The following KIF21A variants were observed in gnomAD, a reference collection of about 807,000 sequenced individuals.
KIF21A encodes the protein kinesin-like protein KIF21A.
A neutral mutation model predicts 202.9 loss-of-function variants in KIF21A; 114 were observed. That is an observed-to-expected ratio of 0.56 (90% CI 0.48 to 0.66). The LOEUF (loss-of-function observed/expected upper bound fraction) is 0.66, where lower values mean the gene tolerates loss of function less well. Among genes scored for constraint, KIF21A ranks in the 30% least tolerant of loss-of-function variants. The pLI, the probability that KIF21A is intolerant of heterozygous loss-of-function variation, is 0.00. For missense variants in KIF21A, 1,677 were observed against 1,994.9 expected, an observed-to-expected ratio of 0.84 and a Z score of 3.04; for synonymous variants, 667 against 670.8, an observed-to-expected ratio of 0.99 and a Z score of 0.09.
At chr12:39,362,018 T>C (rs2138991766) in intron 7 of KIF21A, among the ~76,000 whole-genome samples, 1 of 152,284 alleles carries the variant, frequency 6.6e-6, no homozygotes, top group Non-Finnish European at 1.5e-5. Context: ...ACTGTTCTCA[T>C]GATAGAGTTC....
chr12:39,305,015 C>G lies in KIF21A; in HGVS notation c.4443-77G>C. On this transcript the variant is annotated intron_variant, in intron 34 of 37. Coordinates refer to ENST00000361418, the MANE Select transcript of KIF21A (RefSeq NM_001173464.2). ...GGGACTAAGCCTCAACATAAACGAT[C>G]TACATTCTTTCATAAAATAATTCAC... 1.4e-5 allele frequency: 10 copies of G among 738,028 alleles called. No individual in the cohort carries two copies. The South Asian group carries it at 1.5e-4, about 11-fold the overall frequency. The allele number at this position is 738,028 out of a possible 1,614,324, so 45.7% of individuals were successfully genotyped here.
In KIF21A at chr12:39,322,891, A is replaced by G. The variant is rs1163661948; in HGVS notation, c.3457-9T>C. 2.7e-6 allele frequency: 4 copies of G among 1,506,022 alleles called. No individual in the cohort carries two copies. Among genetic ancestry groups the G allele is most frequent in the Non-Finnish European group, 3.5e-6 (4 of 1,131,396 alleles). The allele number at this position is 1,506,022 out of a possible 1,614,324, so 93.3% of individuals were successfully genotyped here. A position where few individuals can be genotyped will look rare whatever the true frequency, so the allele number is the denominator to read the frequency against. On this transcript the variant is annotated splice_polypyrimidine_tract_variant and intron_variant, in intron 26 of 37. Coordinates refer to ENST00000361418, the MANE Select transcript of KIF21A (RefSeq NM_001173464.2). ...GTGGTTCTCCTTCGGGCCTAGTCAA[A>G]GAATGGAAGGAAAAGCAATCAGGAG...
At chr12:39,319,764 T>A (rs1358204995) in intron 28 of KIF21A, 142 bp downstream of exon 28, 1 of 616,408 alleles carries the variant, frequency 1.6e-6, no homozygotes, top group South Asian at 2.0e-5. Flanking sequence ...AGCCAAAAGC[T>A]GACTTGACTG....
chr12:39,314,867 T>C (rs1266780640), intron 31 of KIF21A, among the ~76,000 whole-genome samples: 2 of 151,920 alleles, frequency 1.3e-5, no homozygotes, highest in Non-Finnish European at 2.9e-5. Context: ...TTTTATGTCA[T>C]TGATTATTCA....
At chr12:39,408,679 T>C (rs1463008255) in intron 1 of KIF21A, among the ~76,000 whole-genome samples, 4 of 152,048 alleles carry the variant, frequency 2.6e-5, no homozygotes, top group Non-Finnish European at 4.4e-5. Context: ...AAATATCCAA[T>C]ATGAAGCACA....
chr12:39,426,237 A>T (rs1954736368), intron 1 of KIF21A, among the ~76,000 whole-genome samples: 1 of 152,216 alleles, frequency 6.6e-6, no homozygotes, highest in African/African-American at 2.4e-5. Flanking sequence ...TACCTCACTA[A>T]AATTCAAGCT....
chr12:39,383,416 C>T (rs1950744099), intron 1 of KIF21A, among the ~76,000 whole-genome samples: 1 of 152,178 alleles, frequency 6.6e-6, no homozygotes, highest in Non-Finnish European at 1.5e-5. Context: ...GCTATATCAA[C>T]AAATGATATC....
chr12:39,396,327 T>A (rs970197165), intron 1 of KIF21A, among the ~76,000 whole-genome samples: 1 of 152,212 alleles, frequency 6.6e-6, no homozygotes, highest in Non-Finnish European at 1.5e-5. Context: ...TTTTAAGCAG[T>A]GAGCAGTCAA....
intron 1 of KIF21A, among the ~76,000 whole-genome samples, chr12:39,423,621 A>G (rs902637036): frequency 5.3e-5 from 8 of 151,802 alleles, no homozygotes; most frequent in Non-Finnish European, 1.0e-4. Flanking sequence ...GGCAGAGGCT[A>G]GTGGATCACC....
chr12:39,325,951 A>G (rs1945857498), intron 25 of KIF21A, 58 bp from the exon 26 acceptor site: 1 of 1,367,918 alleles, frequency 7.3e-7, no homozygotes, highest in Non-Finnish European at 1.0e-6. Flanking sequence ...ATAGAAAACT[A>G]TAGCTCCTCT....
intron 1 of KIF21A, among the ~76,000 whole-genome samples, chr12:39,418,076 T>C (rs926290311): frequency 1.3e-5 from 2 of 151,614 alleles, no homozygotes; most frequent in African/African-American, 4.8e-5. Context: ...AGCGTGGTGG[T>C]GTATGCCTCT....
chr12:39,313,526 T>TA (rs1944231183), intron 31 of KIF21A, among the ~76,000 whole-genome samples: 1 of 151,306 alleles, frequency 6.6e-6, no homozygotes. Flanking sequence ...ATGGAACTGT[T>TA]AGAGTAAAGT....
chr12:39,414,491 T>G (rs887756976), intron 1 of KIF21A, among the ~76,000 whole-genome samples: 3 of 152,234 alleles, frequency 2.0e-5, no homozygotes, highest in African/African-American at 7.2e-5. Context: ...ACAGTCTTGG[T>G]AAGCATCTCA....
chr12:39,300,393 T>C (rs1942857116), intron 37 of KIF21A, among the ~76,000 whole-genome samples: 1 of 151,888 alleles, frequency 6.6e-6, no homozygotes. Context: ...ACAAAATAAA[T>C]CGGCTCTGAT....
chr12:39,315,948 G>A lies in KIF21A; in HGVS notation c.3931C>T (p.Leu1311Phe). 1 of 1,605,884 alleles carries A rather than the reference G, an allele frequency of 6.2e-7. No homozygotes were observed. Among genetic ancestry groups the A allele is most frequent in the Non-Finnish European group, 8.5e-7 (1 of 1,172,750 alleles). The change falls in exon 30 of 38, where the codon CTC becomes TTC. Residue 1311 changes from leucine to phenylalanine, a missense_variant. Around this residue, in one of 3 missense-constraint regions of KIF21A, gnomAD observed 705 missense variants for 791.9 expected, o/e 0.89. Transcript: ENST00000361418. ...AGAAAGTACCTGTGTACCTCCGAGA[G>A]AGAGGAGTCACTTTCATCAGACCTA... ...QDKSDESDSS[L>F]SEVHRSSRRG...
intron 1 of KIF21A, among the ~76,000 whole-genome samples, chr12:39,437,901 T>G (rs558233792): frequency 6.6e-6 from 1 of 152,220 alleles, no homozygotes; most frequent in Non-Finnish European, 1.5e-5. Context: ...TTTGCTTCCA[T>G]ATTTTTTGAA....
chr12:39,320,952 A>T (rs1945171458), intron 27 of KIF21A, among the ~76,000 whole-genome samples: 1 of 151,088 alleles, frequency 6.6e-6, no homozygotes, highest in Non-Finnish European at 1.5e-5. Flanking sequence ...AAAAAAAAAA[A>T]AAAAAAAGTC....
chr12:39,343,396 A>AAAAT (rs542674720), intron 12 of KIF21A, among the ~76,000 whole-genome samples: 1 of 152,024 alleles, frequency 6.6e-6, no homozygotes, highest in Admixed American at 6.6e-5. Flanking sequence ...ATAAATTTAA[A>AAAAT]AAATAAATAA....
chr12:39,385,477 AG>A (rs1950884259), intron 1 of KIF21A, among the ~76,000 whole-genome samples: 1 of 152,242 alleles, frequency 6.6e-6, no homozygotes, highest in East Asian at 1.9e-4. Context: ...AGAAAGACAT[AG>A]AAAAAATACT....
Sources: allele counts gnomAD v4.1 joint callset (sites outside exome capture counted in the v4.1 genomes callset), GRCh38; gene constraint gnomAD v4.1.1; regional missense constraint gnomAD v4.1.1; transcripts MANE v1.5; gene names NCBI Gene and HGNC (gene_info 2026-07-23, HGNC 2026-07-21).